TCERG1L: variants seen among roughly 807,000 people sequenced by gnomAD.
TCERG1L encodes transcription elongation regulator 1 like.
In TCERG1L, 37 loss-of-function variants were observed where a neutral mutation model predicts 56.3. The ratio of observed to expected loss-of-function variants is 0.66; its 90% CI spans 0.51 to 0.87. The LOEUF (loss-of-function observed/expected upper bound fraction) is 0.87, where lower values mean the gene tolerates loss of function less well. Ranked by LOEUF, TCERG1L falls within the 40% of genes least tolerant of loss-of-function variation. The pLI is 0.00. For synonymous variants in TCERG1L, 324 were observed against 326.3 expected (o/e 0.99, Z 0.08); for missense variants, 799 against 774.2 (o/e 1.03, Z -0.38).
chr10:131,213,085 C>T (rs530259265), intron 4 of TCERG1L, among the ~76,000 whole-genome samples: 25 of 152,260 alleles, frequency 1.6e-4, no homozygotes, highest in Non-Finnish European at 2.9e-4. Context: ...CCATCAGAGG[C>T]TGTATGGGCA....
intron 3 of TCERG1L, among the ~76,000 whole-genome samples, chr10:131,295,752 C>T (rs932347956): frequency 3.3e-5 from 5 of 152,186 alleles, no homozygotes; most frequent in African/African-American, 1.2e-4. Flanking sequence ...CAATAACCCT[C>T]CTTCTAGCTA....
chr10:131,185,617 G>A (rs1399370059), intron 4 of TCERG1L, among the ~76,000 whole-genome samples: 8 of 151,902 alleles, frequency 5.3e-5, no homozygotes, highest in South Asian at 2.1e-4. Flanking sequence ...ATACACAAAC[G>A]GCGAACAGGC....
intron 4 of TCERG1L, among the ~76,000 whole-genome samples, chr10:131,259,624 T>C (rs1289123169): frequency 2.0e-5 from 3 of 152,194 alleles, no homozygotes; most frequent in Non-Finnish European, 4.4e-5. Flanking sequence ...GCCTCATCAA[T>C]GCATCTCACA....
intron 3 of TCERG1L, among the ~76,000 whole-genome samples, chr10:131,289,064 C>T (rs759098049): frequency 2.6e-5 from 4 of 152,172 alleles, no homozygotes; most frequent in African/African-American, 4.8e-5. Flanking sequence ...TTATTAAAAG[C>T]TCTTCCTATT....
At chr10:131,207,064 T>A (rs1845540082) in intron 4 of TCERG1L, among the ~76,000 whole-genome samples, 1 of 152,204 alleles carries the variant, frequency 6.6e-6, no homozygotes. Flanking sequence ...GCTTTGTCCT[T>A]TTCAGCGAGC....
chr10:131,199,308 G>A (rs551367748), intron 4 of TCERG1L, among the ~76,000 whole-genome samples: 1 of 152,270 alleles, frequency 6.6e-6, no homozygotes, highest in South Asian at 2.1e-4. Context: ...TTTAAGCTCT[G>A]CTTCTCTTTT....
At chr10:131,286,862 T>C (rs34934539) in intron 3 of TCERG1L, among the ~76,000 whole-genome samples, 24,141 of 152,168 alleles carry the variant, frequency 0.16, 2,040 homozygotes, top group South Asian at 0.24. Flanking sequence ...CGTTCCCACA[T>C]GGGAGGCGTT....
chr10:131,092,936 G>T lies in TCERG1L; in HGVS notation c.*226C>A. ...ATTTGCATAATTAAAACAATTAAGG[G>T]ATCGACGTATCACGGTGATTAGAAA... is the stretch of plus-strand genomic sequence containing the variant. On this transcript the variant is annotated 3_prime_UTR_variant, in exon 12 of 12. Coordinates refer to ENST00000368642, the MANE Select transcript of TCERG1L (RefSeq NM_174937.4). 1 of 475,906 alleles carries T rather than the reference G, an allele frequency of 2.1e-6. No homozygotes were observed. Among genetic ancestry groups the T allele is most frequent in the Non-Finnish European group, 3.7e-6 (1 of 270,280 alleles). The allele number at this position is 475,906 out of a possible 1,614,324, so 29.5% of individuals were successfully genotyped here.
intron 4 of TCERG1L, among the ~76,000 whole-genome samples, chr10:131,257,042 AAAG>A (rs1160189984): frequency 2.4e-4 from 35 of 142,960 alleles, no homozygotes; most frequent in Admixed American, 6.3e-4. Flanking sequence ...AGAAAGAAAG[AAAG>A]AAAGAAAGAA....
chr10:131,220,349 G>A (rs1010295445), intron 4 of TCERG1L, among the ~76,000 whole-genome samples: 1 of 152,218 alleles, frequency 6.6e-6, no homozygotes, highest in African/African-American at 2.4e-5. Flanking sequence ...TAGGGACCAG[G>A]GAGAGCACAG....
chr10:131,200,060 CCT>C (rs920730993), intron 4 of TCERG1L, among the ~76,000 whole-genome samples: 9 of 152,348 alleles, frequency 5.9e-5, no homozygotes, highest in Admixed American at 2.6e-4. Flanking sequence ...GCTCTCCCCT[CCT>C]CTGAGCTCTC....
At chr10:131,121,595 C>T (rs540419370) in intron 8 of TCERG1L, among the ~76,000 whole-genome samples, 16 of 152,340 alleles carry the variant, frequency 1.1e-4, no homozygotes, top group East Asian at 7.7e-4. Flanking sequence ...CCACAGGAAG[C>T]GCCACACAGA....
chr10:131,144,266 C>T (rs1390812437), intron 7 of TCERG1L, among the ~76,000 whole-genome samples: 2 of 152,108 alleles, frequency 1.3e-5, no homozygotes, highest in Non-Finnish European at 2.9e-5. Flanking sequence ...AATAGTCAAA[C>T]AAAATGTGAA....
intron 4 of TCERG1L, among the ~76,000 whole-genome samples, chr10:131,190,155 C>T (rs11591747): frequency 6.6e-6 from 1 of 151,888 alleles, no homozygotes; most frequent in East Asian, 1.9e-4. Context: ...TCTCTATATG[C>T]GCCAACTAGA....
intron 4 of TCERG1L, among the ~76,000 whole-genome samples, chr10:131,174,246 G>A (rs1055783299): frequency 3.9e-5 from 6 of 152,348 alleles, no homozygotes; most frequent in African/African-American, 1.4e-4. Flanking sequence ...TGGGGCAGGA[G>A]GGTGGTGGCA....
At chr10:131,310,290 C>G (rs1463702378) in intron 1 of TCERG1L, among the ~76,000 whole-genome samples, 1 of 152,134 alleles carries the variant, frequency 6.6e-6, no homozygotes, top group African/African-American at 2.4e-5. Context: ...CAAAAACTAC[C>G]AACGTTTCTT....
chr10:131,123,807 T>G (rs928686046), intron 8 of TCERG1L, among the ~76,000 whole-genome samples: 1 of 152,250 alleles, frequency 6.6e-6, no homozygotes, highest in South Asian at 2.1e-4. Context: ...GAGTGCACGG[T>G]TATTCCCATT....
chr10:131,260,404 G>T lies in TCERG1L; in HGVS notation c.711C>A (p.Ala237=). The change falls in exon 4 of 12, where the codon GCC becomes GCA. Residue 237 remains alanine, a synonymous_variant. Transcript: ENST00000368642. This position sits in a 1 kb window ranked among gnomAD's most constrained non-coding sequence, Gnocchi z 5.8. ...CGGCGGCGGCGGTGGCGATGGCAAT[G>T]GCGGGGCTGCTGGTCACCTTAAGGC... ...HNSLKVTSSP[A]IAIATAAAAA... The T allele has an allele frequency of 6.8e-7, 1 of 1,471,582 alleles. No homozygotes were observed. The highest frequency in any genetic ancestry group is 1.5e-5 in the South Asian group (1 of 68,300). The allele number at this position is 1,471,582 out of a possible 1,614,324, so 91.2% of individuals were successfully genotyped here. A position where few individuals can be genotyped will look rare whatever the true frequency, so the allele number is the denominator to read the frequency against.
chr10:131,129,927 A>T (rs1442232079), intron 8 of TCERG1L, among the ~76,000 whole-genome samples: 1 of 152,092 alleles, frequency 6.6e-6, no homozygotes, highest in Non-Finnish European at 1.5e-5. Context: ...GACTTCCACG[A>T]ACTTTTAAAC....
Sources: allele counts gnomAD v4.1 joint callset (sites outside exome capture counted in the v4.1 genomes callset), GRCh38; gene constraint gnomAD v4.1.1; non-coding constraint Gnocchi (gnomAD v3.1); transcripts MANE v1.5; gene names NCBI Gene and HGNC (gene_info 2026-07-23, HGNC 2026-07-21).